Variants in GFOD1 observed in about 807,000 individuals in gnomAD.
GFOD1 encodes the protein Gfo/Idh/MocA-like oxidoreductase domain containing 1.
A neutral mutation model predicts 25.4 loss-of-function variants in GFOD1; 9 were observed. The observed-to-expected ratio is 0.35, with a 90% CI of 0.21 to 0.62. The LOEUF (loss-of-function observed/expected upper bound fraction) is 0.62. Ranked by LOEUF, GFOD1 falls within the 20% of genes least tolerant of loss-of-function variation. GFOD1 has a pLI of 0.72. For missense variants in GFOD1, 403 were observed against 556.9 expected (o/e 0.72, Z 2.78); for synonymous variants, 253 against 245.6 (o/e 1.03, Z -0.28).
chr6:13,401,614 T>C (rs7742086), intron 1 of GFOD1, among the ~76,000 whole-genome samples: 1 of 151,974 alleles, frequency 6.6e-6, no homozygotes, highest in African/African-American at 2.4e-5. Flanking sequence ...TAGAAATACA[T>C]TTAAGAAGTA....
At chr6:13,469,186 C>T (rs879285465) in intron 1 of GFOD1, 85 of 957,104 alleles carry the variant, frequency 8.9e-5, no homozygotes, top group Non-Finnish European at 1.0e-4. Context: ...TGGTCACATC[C>T]CCTAAAGAAT....
At chr6:13,418,597 C>A (rs1345488158) in intron 1 of GFOD1, among the ~76,000 whole-genome samples, 1 of 152,220 alleles carries the variant, frequency 6.6e-6, no homozygotes, top group Non-Finnish European at 1.5e-5. Flanking sequence ...TGAGACACCA[C>A]TTTAAGGAAT....
intron 1 of GFOD1, among the ~76,000 whole-genome samples, chr6:13,385,758 A>C (rs1785461225): frequency 6.6e-6 from 1 of 152,238 alleles, no homozygotes; most frequent in Non-Finnish European, 1.5e-5. Flanking sequence ...GACTAAAACA[A>C]AGCTACCTGC....
chr6:13,365,402 C>G lies in GFOD1; in HGVS notation c.514G>C (p.Gly172Arg). Residue 172 changes from glycine (G) to arginine (R), a missense_variant, in exon 2 of 2, where the codon GGC becomes CGC. Coordinates refer to ENST00000379287, the MANE Select transcript of GFOD1 (RefSeq NM_018988.4). The surrounding 1 kb of genome is among the most constrained non-coding windows in gnomAD (Gnocchi z 9.2). ...ATGTAGGTGCCCACGGAGTGCAGGCCGCCGCCGCCCATCAAGTCGTCGCAG... is the reference window on the plus strand; with the variant it reads ...ATGTAGGTGCCCACGGAGTGCAGGCGGCCGCCGCCCATCAAGTCGTCGCAG... ...WSCDDLMGGGGLHSVGTYIID... is the reference protein window; with the variant it reads ...WSCDDLMGGGRLHSVGTYIID... The G allele has an allele frequency of 6.2e-7, 1 of 1,613,822 alleles. No individual in the cohort carries two copies. The highest frequency in any genetic ancestry group is 8.5e-7 in the Non-Finnish European group (1 of 1,179,928).
At chr6:13,373,535 A>G (rs1477697640) in intron 1 of GFOD1, among the ~76,000 whole-genome samples, 2 of 152,146 alleles carry the variant, frequency 1.3e-5, no homozygotes, top group African/African-American at 4.8e-5. Flanking sequence ...AAAGAAAAAG[A>G]AAAAAGGCAG....
chr6:13,477,180 T>C (rs1322599648), intron 1 of GFOD1, among the ~76,000 whole-genome samples: 4 of 149,838 alleles, frequency 2.7e-5, no homozygotes, highest in African/African-American at 9.8e-5. Flanking sequence ...AAATCTGTAT[T>C]AGTCAGGGTT....
At chr6:13,483,263 G>C (rs902579691) in intron 1 of GFOD1, among the ~76,000 whole-genome samples, 1 of 152,178 alleles carries the variant, frequency 6.6e-6, no homozygotes, top group Non-Finnish European at 1.5e-5. Context: ...GCTGAGTATT[G>C]AAGGGCGAAC....
chr6:13,445,326 T>C (rs1562221395), intron 1 of GFOD1, among the ~76,000 whole-genome samples: 1 of 152,206 alleles, frequency 6.6e-6, no homozygotes, highest in Admixed American at 6.5e-5. Flanking sequence ...AATATGCATA[T>C]AAATGAGTTC....
intron 1 of GFOD1, among the ~76,000 whole-genome samples, chr6:13,433,323 T>C (rs2127570599): frequency 6.6e-6 from 1 of 152,288 alleles, no homozygotes; most frequent in African/African-American, 2.4e-5. Flanking sequence ...TTCACCATGT[T>C]GGTCAAGCTG....
chr6:13,433,848 C>T (rs1757790066), intron 1 of GFOD1, among the ~76,000 whole-genome samples: 1 of 152,166 alleles, frequency 6.6e-6, no homozygotes, highest in African/African-American at 2.4e-5. Context: ...GTCAGAGAGC[C>T]GACTCTCCCA....
At chr6:13,469,726 T>G (rs1363252279) in intron 1 of GFOD1, 1 of 1,179,684 alleles carries the variant, frequency 8.5e-7, no homozygotes, top group African/African-American at 1.6e-5. Flanking sequence ...TTTCAGATGT[T>G]CAAATGTGAA....
At chr6:13,481,277 T>C (rs1758745838) in intron 1 of GFOD1, among the ~76,000 whole-genome samples, 1 of 152,010 alleles carries the variant, frequency 6.6e-6, no homozygotes, top group South Asian at 2.1e-4. Flanking sequence ...AGCTGAGACT[T>C]GAAAGTGAGA....
At chr6:13,460,172 G>A (rs533232473) in intron 1 of GFOD1, among the ~76,000 whole-genome samples, 8 of 152,122 alleles carry the variant, frequency 5.3e-5, no homozygotes, top group South Asian at 2.1e-4. Flanking sequence ...AACAGATGCC[G>A]GCAAGGCTGT....
chr6:13,409,150 AGAGG>A (rs1468380077), intron 1 of GFOD1, among the ~76,000 whole-genome samples: 6 of 15,662 alleles, frequency 3.8e-4, no homozygotes, highest in African/African-American at 6.1e-4. Flanking sequence ...AGAAAGAAAG[AGAGG>A]AAAGAAAGAA....
rs1554200660 is a variant in GFOD1, at chr6:13,390,810, A to AGGAAGGAAGGAG, written c.254-25149_254-25148insCTCCTTCCTTCC. Among the ~76,000 whole-genome samples the AGGAAGGAAGGAG allele has an allele frequency of 5.5e-4, 83 of 151,358 alleles. No homozygotes were observed. In the East Asian group the frequency reaches 5.8e-3, roughly 11 times the overall value. On this transcript the variant is annotated intron_variant, in intron 1 of 1. Coordinates refer to ENST00000379287, the MANE Select transcript of GFOD1 (RefSeq NM_018988.4). ...AAGGAAGGAAGGAAGGAAGGAAGGA[A>AGGAAGGAAGGAG]GGAAGGAAGGAAGGAAGGATAATAA...
In GFOD1 at chr6:13,454,350, T is replaced by C. The variant is rs983230770; in HGVS notation, c.253+32288A>G. 2.1e-4 allele frequency among the ~76,000 whole-genome samples: 32 copies of C among 152,214 alleles called. 1 individual carries two copies. Among genetic ancestry groups the C allele is most frequent in the African/African-American group, 7.5e-4 (31 of 41,456 alleles). Reference sequence around the variant, plus strand: ...TTACGGCAACTCCCGGAAACTAATATAAGCCCATCAAACTGCTAAAAGACA... The same window carrying C: ...TTACGGCAACTCCCGGAAACTAATACAAGCCCATCAAACTGCTAAAAGACA... On this transcript the variant is annotated intron_variant, in intron 1 of 1. Transcript: ENST00000379287.
rs1452771277 is a variant in GFOD1, at chr6:13,363,348, G to T, written c.*1395C>A. 1 of 152,178 alleles carries T rather than the reference G, an allele frequency of 6.6e-6. No individual in the cohort carries two copies. The highest frequency in any genetic ancestry group is 1.9e-4 in the East Asian group (1 of 5,194). The allele number at this position is 152,178 out of a possible 1,614,324, so 9.4% of individuals were successfully genotyped here. On this transcript the variant is annotated 3_prime_UTR_variant, in exon 2 of 2. Transcript: ENST00000379287. ...AAGCAGAGTGTGCAAGGACAAGACA[G>T]ACAGCAGACCAATTAGAAGAACATG... is the stretch of plus-strand genomic sequence containing the variant.
intron 1 of GFOD1, among the ~76,000 whole-genome samples, chr6:13,375,367 G>A (rs1314057444): frequency 6.6e-6 from 1 of 152,214 alleles, no homozygotes; most frequent in Non-Finnish European, 1.5e-5. Flanking sequence ...CACAAAAGGA[G>A]GGCTCTGAAG....
intron 1 of GFOD1, among the ~76,000 whole-genome samples, chr6:13,402,136 T>C (rs1269763074): frequency 1.3e-5 from 2 of 152,208 alleles, no homozygotes; most frequent in Non-Finnish European, 2.9e-5. Context: ...GCTATCCACA[T>C]GCACAAAAAT....
Sources: allele counts gnomAD v4.1 joint callset (sites outside exome capture counted in the v4.1 genomes callset), GRCh38; gene constraint gnomAD v4.1.1; non-coding constraint Gnocchi (gnomAD v3.1); transcripts MANE v1.5; gene names NCBI Gene and HGNC (gene_info 2026-07-23, HGNC 2026-07-21).